PCDHAC1: variants seen among roughly 807,000 people sequenced by gnomAD.
The protein encoded by PCDHAC1 is protocadherin alpha subfamily C, 1.
In PCDHAC1, 42 loss-of-function variants were observed where a neutral mutation model predicts 60.0. That is an observed-to-expected ratio of 0.70 (90% CI 0.55 to 0.90). The LOEUF is 0.90. Ranked by LOEUF, PCDHAC1 falls within the 40% of genes least tolerant of loss-of-function variation. The probability of loss-of-function intolerance (pLI) is 0.00; values close to 1 mark genes in which losing one functional copy is unlikely to be tolerated. For synonymous variants in PCDHAC1, 468 were observed against 499.3 expected (o/e 0.94, Z 0.84); for missense variants, 1,160 against 1,222.3 (o/e 0.95, Z 0.76).
chr5:140,953,809 G>A (rs1244835717), intron 1 of PCDHAC1, among the ~76,000 whole-genome samples: 2 of 152,168 alleles, frequency 1.3e-5, no homozygotes, highest in East Asian at 1.9e-4. Context: ...GTTCTGAGGT[G>A]CATGTGCTAG....
chr5:140,978,182 AC>A (rs1240611427), intron 1 of PCDHAC1, among the ~76,000 whole-genome samples: 1 of 152,186 alleles, frequency 6.6e-6, no homozygotes, highest in African/African-American at 2.4e-5. Context: ...AGAGAGGGCA[AC>A]AGATCTTTTC....
intron 1 of PCDHAC1, among the ~76,000 whole-genome samples, chr5:140,932,493 T>A (rs148938081): frequency 6.6e-6 from 1 of 152,006 alleles, no homozygotes; most frequent in East Asian, 1.9e-4. Context: ...CTTTGCAATG[T>A]CATTTGTTAA....
intron 1 of PCDHAC1, chr5:140,966,970 G>A (rs1554228990): frequency 6.2e-7 from 1 of 1,602,870 alleles, no homozygotes; most frequent in Admixed American, 1.7e-5. Flanking sequence ...TGGGGCTTGA[G>A]CTGCGGCGCT....
intron 3 of PCDHAC1, among the ~76,000 whole-genome samples, chr5:140,992,594 G>A (rs782416770): frequency 2.6e-5 from 4 of 152,148 alleles, no homozygotes; most frequent in Non-Finnish European, 2.9e-5. Flanking sequence ...TGCATCTAGC[G>A]TCTGTGTCTA....
intron 3 of PCDHAC1, among the ~76,000 whole-genome samples, chr5:140,999,698 T>C (rs903538308): frequency 2.0e-5 from 3 of 152,192 alleles, no homozygotes; most frequent in Non-Finnish European, 4.4e-5. Flanking sequence ...ATGTGATTTT[T>C]TTTTAGCTAA....
Position 140,979,011 on chromosome 5 carries a change from T to C in PCDHAC1, c.2492+4T>C. On this transcript the variant is annotated splice_donor_region_variant and intron_variant, in intron 2 of 3. Coordinates refer to ENST00000253807, the MANE Select transcript of PCDHAC1 (RefSeq NM_018898.5). ...CCCTGAGAGCAGGCATGCACAGGTA[T>C]GTATTTCCCTCCTCATTCACTCAGA... The C allele has an allele frequency of 6.2e-7, 1 of 1,613,950 alleles. No homozygotes were observed. The highest frequency in any genetic ancestry group is 8.5e-7 in the Non-Finnish European group (1 of 1,179,938).
At chr5:140,963,722 T>G (rs948660694) in intron 1 of PCDHAC1, among the ~76,000 whole-genome samples, 2 of 152,242 alleles carry the variant, frequency 1.3e-5, no homozygotes, top group Non-Finnish European at 2.9e-5. Flanking sequence ...ACATATAGAC[T>G]GCCAACTAAG....
chr5:140,999,044 T>TTTC (rs1247197667), intron 3 of PCDHAC1, among the ~76,000 whole-genome samples: 1 of 152,342 alleles, frequency 6.6e-6, no homozygotes, highest in East Asian at 1.9e-4. Flanking sequence ...TCCAGTGTGC[T>TTTC]TTCCACCATG....
Position 140,926,592 on chromosome 5 carries a change from C to T in PCDHAC1, c.-301C>T. ...GGAGACAGCACCTCTCGCGCCCGGG[C>T]GGGCGGCCTCGTCTCTGCACCCCTA... On this transcript the variant is annotated 5_prime_UTR_variant, in exon 1 of 4. Coordinates refer to ENST00000253807, the MANE Select transcript of PCDHAC1 (RefSeq NM_018898.5). 3.3e-6 allele frequency: 1 copy of T among 298,858 alleles called. No homozygotes were observed. The highest frequency in any genetic ancestry group is 6.1e-6 in the Non-Finnish European group (1 of 164,134). 18.5% of individuals were successfully genotyped at this position (298,858 alleles called of 1,614,324 possible).
Position 141,009,950 on chromosome 5 carries a change from G to C in PCDHAC1, c.*13G>C, listed in dbSNP as rs782235440. On this transcript the variant is annotated 3_prime_UTR_variant, in exon 4 of 4. Coordinates refer to ENST00000253807, the MANE Select transcript of PCDHAC1 (RefSeq NM_018898.5). ...CAGTGACCAGTGAGGTCCTCAAATGGAAACAAGCCACTTAGCCAGTTTTTG... is the reference window on the plus strand; with the variant it reads ...CAGTGACCAGTGAGGTCCTCAAATGCAAACAAGCCACTTAGCCAGTTTTTG... 12 of 1,593,098 alleles carry C rather than the reference G, an allele frequency of 7.5e-6. No individual in the cohort carries two copies. In the East Asian group the frequency reaches 2.5e-4, roughly 33 times the overall value.
chr5:140,982,741 T>C (rs2097000256), intron 3 of PCDHAC1, among the ~76,000 whole-genome samples, 178 bp downstream of exon 3: 1 of 152,164 alleles, frequency 6.6e-6, no homozygotes, highest in Admixed American at 6.6e-5. Flanking sequence ...TACCTAATGC[T>C]CTTCAGGAGT....
In PCDHAC1 at chr5:141,010,365, A is replaced by G; in HGVS notation, c.*428A>G. 6.8e-7 allele frequency: 1 copy of G among 1,480,028 alleles called. No individual in the cohort carries two copies. The highest frequency in any genetic ancestry group is 1.3e-5 in the South Asian group (1 of 75,134). The allele number at this position is 1,480,028 out of a possible 1,614,324, so 91.7% of individuals were successfully genotyped here. On this transcript the variant is annotated 3_prime_UTR_variant, in exon 4 of 4. Coordinates refer to ENST00000253807, the MANE Select transcript of PCDHAC1 (RefSeq NM_018898.5). Reference sequence around the variant, plus strand: ...CTGGGTATGTGTGGCTACCGCGGGTATGCGAGTGCCAGATATTGGCTGAGA... The same window carrying G: ...CTGGGTATGTGTGGCTACCGCGGGTGTGCGAGTGCCAGATATTGGCTGAGA...
intron 1 of PCDHAC1, among the ~76,000 whole-genome samples, chr5:140,949,466 G>A (rs2094383684): frequency 6.6e-6 from 1 of 151,662 alleles, no homozygotes; most frequent in Non-Finnish European, 1.5e-5. Flanking sequence ...TTGAAGCCCT[G>A]TTATTAGGCA....
intron 3 of PCDHAC1, among the ~76,000 whole-genome samples, chr5:140,993,767 G>A (rs115607244): frequency 3.3e-5 from 5 of 152,010 alleles, no homozygotes; most frequent in Non-Finnish European, 7.4e-5. Context: ...TTACAATTGC[G>A]CAGTATTTTG....
intron 3 of PCDHAC1, among the ~76,000 whole-genome samples, chr5:141,002,467 G>A (rs1266754067): frequency 6.6e-6 from 1 of 152,202 alleles, no homozygotes; most frequent in African/African-American, 2.4e-5. Context: ...TAACGCTTTA[G>A]CATTTTCAAA....
At chr5:140,956,212 C>A (rs246014) in intron 1 of PCDHAC1, among the ~76,000 whole-genome samples, 85,603 of 151,956 alleles carry the variant, frequency 0.56, 24,735 homozygotes, top group African/African-American at 0.69. Context: ...AAGAGGGCAT[C>A]CTTGTCTTGT....
At chr5:140,967,947 C>A in intron 1 of PCDHAC1, 1 of 1,614,222 alleles carries the variant, frequency 6.2e-7, no homozygotes, top group Non-Finnish European at 8.5e-7. Flanking sequence ...GACCAAGACT[C>A]AGGCCCCAAC....
In PCDHAC1 at chr5:140,926,998, G is replaced by C; in HGVS notation, c.106G>C (p.Val36Leu). 6.2e-7 allele frequency: 1 copy of C among 1,612,288 alleles called. No homozygotes were observed. Among genetic ancestry groups the C allele is most frequent in the Non-Finnish European group, 8.5e-7 (1 of 1,178,826 alleles). Reference sequence around the variant, plus strand: ...GGAGGAGACGGAGCGGGGCGTAGCCGTAGGCAATCTCTCCGCGGACTTGAG... The same window carrying C: ...GGAGGAGACGGAGCGGGGCGTAGCCCTAGGCAATCTCTCCGCGGACTTGAG... ...VPEETERGVA[V>L]GNLSADLRLP... Residue 36 changes from valine (V) to leucine (L), a missense_variant, in exon 1 of 4, where the codon GTA becomes CTA. Physicochemically the swap from Val to Leu is conservative, Grantham distance 32 (BLOSUM62 1). Coordinates refer to ENST00000253807, the MANE Select transcript of PCDHAC1 (RefSeq NM_018898.5).
intron 1 of PCDHAC1, among the ~76,000 whole-genome samples, chr5:140,954,973 G>T (rs781943510): frequency 7.9e-5 from 12 of 152,124 alleles, no homozygotes; most frequent in Non-Finnish European, 1.3e-4. Context: ...AAAGGGTCCA[G>T]TTTCAATTTT....
Sources: gnomAD v4.1 joint callset for allele counts (sites outside exome capture counted in the v4.1 genomes callset) on GRCh38, gnomAD v4.1.1 for gene constraint, MANE v1.5 for transcripts, NCBI Gene and HGNC (gene_info 2026-07-23, HGNC 2026-07-21) for gene names.